The following AHCYL1 variants were observed in gnomAD, a reference collection of about 807,000 sequenced individuals.
AHCYL1 encodes adenosylhomocysteinase like 1, also known as S-adenosylhomocysteine hydrolase-like protein 1.
A neutral mutation model predicts 79.3 loss-of-function variants in AHCYL1; 20 were observed. The observed-to-expected ratio is 0.25, with a 90% confidence interval of 0.18 to 0.37. The LOEUF is 0.37. Among genes scored for constraint, AHCYL1 ranks in the 10% least tolerant of loss-of-function variants. The probability of loss-of-function intolerance (pLI) is 1.00; values close to 1 mark genes in which losing one functional copy is unlikely to be tolerated. For missense variants in AHCYL1, 330 were observed against 673.6 expected (o/e 0.49, Z 5.65); for synonymous variants, 223 against 242.2 (o/e 0.92, Z 0.74).
chr1:109,996,648 ACGT>A (rs1650047425), intron 1 of AHCYL1, among the ~76,000 whole-genome samples: 1 of 152,222 alleles, frequency 6.6e-6, no homozygotes, highest in Non-Finnish European at 1.5e-5. Context: ...TGTTGTGCAA[ACGT>A]CAGAGAGACT....
At chr1:109,999,364 C>T (rs1650189722) in intron 1 of AHCYL1, among the ~76,000 whole-genome samples, 2 of 152,180 alleles carry the variant, frequency 1.3e-5, no homozygotes, top group Admixed American at 6.5e-5. Flanking sequence ...AGTTACTGTG[C>T]TATTCACTAA....
At chr1:109,990,294 A>T (rs1306889459) in intron 1 of AHCYL1, among the ~76,000 whole-genome samples, 1 of 152,174 alleles carries the variant, frequency 6.6e-6, no homozygotes, top group Non-Finnish European at 1.5e-5. Context: ...CTATCTATAT[A>T]CATGGTTGAG....
intron 1 of AHCYL1, among the ~76,000 whole-genome samples, chr1:110,003,210 A>G (rs1650414657): frequency 6.6e-6 from 1 of 152,196 alleles, no homozygotes; most frequent in African/African-American, 2.4e-5. Flanking sequence ...ATTAAGTGTG[A>G]TATGTCATCA....
Position 110,018,485 on chromosome 1 carries a change from TG to T in AHCYL1, c.1218+19del. 6.2e-7 allele frequency: 1 copy of T among 1,613,992 alleles called. No homozygotes were observed. ...TCGATGTGGTAAGGCTTCTCTCATT[TG>T]TTGCTAGGCATTTCTCTACTACCTT... On this transcript the variant is annotated intron_variant, in intron 12 of 16. Transcript: ENST00000369799.
In AHCYL1 at chr1:110,018,699, G is replaced by C. The variant is rs77509846; in HGVS notation, c.1317+49G>C. ...CAGAGCAGCACAAGCAGAGTAGTTAGATCTATGAGGGGGGAGGGGAGGGAA... is the reference window on the plus strand; with the variant it reads ...CAGAGCAGCACAAGCAGAGTAGTTACATCTATGAGGGGGGAGGGGAGGGAA... On this transcript the variant is annotated intron_variant, in intron 13 of 16. Transcript: ENST00000369799. 293 of 1,505,838 alleles carry C rather than the reference G, an allele frequency of 1.9e-4. 3 individuals carry two copies. In the African/African-American group the frequency reaches 3.6e-3, roughly 19 times the overall value. 93.3% of individuals were successfully genotyped at this position (1,505,838 alleles called of 1,614,324 possible). A position where few individuals can be genotyped will look rare whatever the true frequency, so the allele number is the denominator to read the frequency against.
intron 6 of AHCYL1, 136 bp downstream of exon 6, chr1:110,014,993 C>G: frequency 1.2e-6 from 1 of 805,026 alleles, no homozygotes; most frequent in Non-Finnish European, 2.0e-6. Flanking sequence ...TAGCTTGATA[C>G]CTATTCAGAA....
At chr1:109,992,788 TTCCTC>T (rs1251430661) in intron 1 of AHCYL1, among the ~76,000 whole-genome samples, 1 of 152,214 alleles carries the variant, frequency 6.6e-6, no homozygotes, top group African/African-American at 2.4e-5. Flanking sequence ...TCCTGGTTCT[TTCCTC>T]AGGAAAATTC....
intron 1 of AHCYL1, chr1:110,004,528 AAAGGTATTC>A: frequency 1.3e-5 from 13 of 976,702 alleles, no homozygotes; most frequent in Non-Finnish European, 1.6e-5. Flanking sequence ...ACTTGAAGTG[AAAGGTATTC>A]AGACTTGTGT....
intron 1 of AHCYL1, among the ~76,000 whole-genome samples, chr1:110,003,378 G>A (rs1223999335): frequency 2.0e-5 from 3 of 152,004 alleles, no homozygotes; most frequent in East Asian, 3.9e-4. Flanking sequence ...TATGGAAAAC[G>A]GAAAGATTTA....
Position 110,017,548 on chromosome 1 carries a change from T to G in AHCYL1, c.1017T>G (p.Ile339Met). ...AAGCTCTTGGAGCAATTGTCTACAT[T>G]ACCGAAATCGACCCCATCTGTGCTC... ...ALKALGAIVY[I>M]TEIDPICALQ... Residue 339 changes from isoleucine (I) to methionine (M), a missense_variant, in exon 10 of 17, where the codon ATT (isoleucine) becomes ATG (methionine). Transcript: ENST00000369799. 6.2e-7 allele frequency: 1 copy of G among 1,614,170 alleles called. No individual in the cohort carries two copies. Among genetic ancestry groups the G allele is most frequent in the Non-Finnish European group, 8.5e-7 (1 of 1,180,008 alleles).
chr1:110,016,811 C>A (rs1031379600), intron 9 of AHCYL1, 81 bp downstream of exon 9: 2 of 1,514,036 alleles, frequency 1.3e-6, no homozygotes, highest in African/African-American at 1.4e-5. Context: ...TGCTGTCAAT[C>A]TAGAGTCACT....
chr1:109,996,386 G>C (rs1463797337), intron 1 of AHCYL1, among the ~76,000 whole-genome samples: 1 of 152,132 alleles, frequency 6.6e-6, no homozygotes, highest in Non-Finnish European at 1.5e-5. Flanking sequence ...ATCTGCTCAG[G>C]GTGCAGCGTC....
At chr1:110,016,219 G>C (rs1373240188) in intron 7 of AHCYL1, 125 bp from the exon 8 acceptor site, 2 of 638,370 alleles carry the variant, frequency 3.1e-6, no homozygotes, top group Non-Finnish European at 5.5e-6. Context: ...TAATATCCTT[G>C]GGCAATAAAT....
chr1:109,987,480 C>T (rs1649530664), intron 1 of AHCYL1, among the ~76,000 whole-genome samples: 1 of 152,208 alleles, frequency 6.6e-6, no homozygotes, highest in African/African-American at 2.4e-5. Context: ...CCTGAGGCCC[C>T]TCAGGAATTG....
intron 1 of AHCYL1, among the ~76,000 whole-genome samples, chr1:110,002,994 G>T (rs1325991752): frequency 6.6e-6 from 1 of 152,202 alleles, no homozygotes; most frequent in African/African-American, 2.4e-5. Context: ...TCACAAGGGG[G>T]TGGGAGACAT....
chr1:110,014,961 C>CTTTGT, intron 6 of AHCYL1, 104 bp downstream of exon 6: 1 of 1,075,922 alleles, frequency 9.3e-7, no homozygotes, highest in Non-Finnish European at 1.4e-6. Flanking sequence ...GTCTTATGCA[C>CTTTGT]TGACTTTGTT....
chr1:110,017,045 A>G (rs1206136623), intron 9 of AHCYL1, among the ~76,000 whole-genome samples: 3 of 152,224 alleles, frequency 2.0e-5, no homozygotes, highest in African/African-American at 7.2e-5. Flanking sequence ...AGTGACTTGC[A>G]GTAGAATTAA....
rs546281118 is a variant in AHCYL1, at chr1:110,019,055, G to A, written c.1322G>A (p.Arg441His). 10 of 1,614,046 alleles carry A rather than the reference G, an allele frequency of 6.2e-6. No individual in the cohort carries two copies. The highest frequency in any genetic ancestry group is 2.7e-5 in the African/African-American group (2 of 74,988). The change falls in exon 14 of 17, where the codon CGT (arginine) becomes CAT (histidine). Residue 441 changes from arginine to histidine, a missense_variant. Around this residue, in one of 6 missense-constraint regions of AHCYL1, gnomAD observed 119 missense variants for 293.3 expected, o/e 0.41. Transcript: ENST00000369799. ...GGCTCTCTCTTACCTTTCCAGGGTC[G>A]TCTACTCAATTTGAGCTGCTCCACA... Reference protein sequence around the residue: ...GKRVVLLAEGRLLNLSCSTVP... With the variant: ...GKRVVLLAEGHLLNLSCSTVP...
rs758398152 is a variant in AHCYL1, at chr1:110,019,048, C to T, written c.1318-3C>T. On this transcript the variant is annotated splice_polypyrimidine_tract_variant and splice_region_variant and intron_variant, in intron 13 of 16. Transcript: ENST00000369799. ...ATCCCAGGGCTCTCTCTTACCTTTC[C>T]AGGGTCGTCTACTCAATTTGAGCTG... 4.3e-6 allele frequency: 7 copies of T among 1,613,980 alleles called. No individual in the cohort carries two copies. The South Asian group carries it at 7.7e-5, about 18-fold the overall frequency.
Sources: allele counts gnomAD v4.1 joint callset (sites outside exome capture counted in the v4.1 genomes callset), GRCh38; gene constraint gnomAD v4.1.1; regional missense constraint gnomAD v4.1.1; transcripts MANE v1.5; gene names NCBI Gene and HGNC (gene_info 2026-07-23, HGNC 2026-07-21).